The following KIF13A variants were observed in gnomAD, a reference collection of about 807,000 sequenced individuals.
KIF13A encodes the protein kinesin-like protein KIF13A.
A neutral mutation model predicts 212.2 loss-of-function variants in KIF13A; 79 were observed. The observed-to-expected ratio is 0.37, with a 90% CI of 0.31 to 0.45. The LOEUF (loss-of-function observed/expected upper bound fraction) is 0.45, where lower values mean the gene tolerates loss of function less well. KIF13A is among the 20% of genes least tolerant of loss of function. The probability of loss-of-function intolerance (pLI) is 1.00; values close to 1 mark genes in which losing one functional copy is unlikely to be tolerated. For missense variants in KIF13A, 1,901 were observed against 2,209.0 expected (o/e 0.86, Z 2.79); for synonymous variants, 789 against 808.6 (o/e 0.98, Z 0.41).
At chr6:17,868,494 A>G (rs1581583043) in intron 4 of KIF13A, among the ~76,000 whole-genome samples, 1 of 151,980 alleles carries the variant, frequency 6.6e-6, no homozygotes. Context: ...TCGGGAGAAC[A>G]TATGAGTTTA....
chr6:17,779,405 T>C (rs1413636992), intron 32 of KIF13A, among the ~76,000 whole-genome samples, 187 bp downstream of exon 32: 5 of 151,202 alleles, frequency 3.3e-5, no homozygotes, highest in Non-Finnish European at 5.9e-5. Flanking sequence ...CCTGAGTAGC[T>C]GGGATTACAG....
rs780169410 is a variant in KIF13A at position 17,834,039 on chromosome 6, G to C, written c.1188C>G (p.Leu396=). ...CTTTTATCAGCTTTTCAGACTCTTC[G>C]AGCTTCTCCTTCAGTTCAGGGGCCT... ...AMKAPELKEK[L]EESEKLIKEL... Residue 396 remains leucine (L), a synonymous_variant, in exon 12 of 39, where the codon CTC becomes CTG. Transcript: ENST00000259711. This position sits in a 1 kb window ranked among gnomAD's most constrained non-coding sequence, Gnocchi z 4.0. 16 of 1,598,706 alleles carry C rather than the reference G, an allele frequency of 1.0e-5. No homozygotes were observed. Among genetic ancestry groups the C allele is most frequent in the Non-Finnish European group, 1.4e-5 (16 of 1,176,742 alleles).
rs185758510 is a variant in KIF13A at position 17,897,121 on chromosome 6, G to A, written c.159+1047C>T. Among the ~76,000 whole-genome samples the A allele has an allele frequency of 1.2e-3, 185 of 152,250 alleles. No homozygotes were observed. Among genetic ancestry groups the A allele is most frequent in the Non-Finnish European group, 1.7e-3 (119 of 68,014 alleles). On this transcript the variant is annotated intron_variant, in intron 3 of 38. Transcript: ENST00000259711. This position sits in a 1 kb window ranked among gnomAD's most constrained non-coding sequence, Gnocchi z 4.8. ...AATGCATGCCTTCCTTGCTAAAGCT[G>A]AAACTCTTATTGCCAAGGACAATGT...
Position 17,871,136 on chromosome 6 carries a change from CAT to C in KIF13A, c.220+2239_220+2240del, listed in dbSNP as rs1168935991. Among the ~76,000 whole-genome samples the C allele has an allele frequency of 1.2e-4, 19 of 152,170 alleles. No homozygotes were observed. The highest frequency in any genetic ancestry group is 4.6e-4 in the African/African-American group (19 of 41,432). On this transcript the variant is annotated intron_variant, in intron 4 of 38. Transcript: ENST00000259711. This position sits in a 1 kb window ranked among gnomAD's most constrained non-coding sequence, Gnocchi z 4.4. ...CCCTTTGACTAAACTCTAAACAACT[CAT>C]ATGTTGACAAGTAATAATCATATAT...
intron 2 of KIF13A, among the ~76,000 whole-genome samples, chr6:17,952,820 C>T (rs1777987554): frequency 6.6e-6 from 1 of 151,870 alleles, no homozygotes. Flanking sequence ...GCCCCAGCTA[C>T]TCAGGAGGCT....
Position 17,921,259 on chromosome 6 carries a change from C to T in KIF13A, c.147-23079G>A, listed in dbSNP as rs1054578354. 6.6e-5 allele frequency among the ~76,000 whole-genome samples: 10 copies of T among 152,320 alleles called. No homozygotes were observed. The South Asian group carries it at 2.1e-3, about 32-fold the overall frequency. ...ACTGAGAAGTTGTGCAGTAAATAAA[C>T]TGATTTAACTTTATTTTACTGCAGA... On this transcript the variant is annotated intron_variant, in intron 2 of 38. Coordinates refer to ENST00000259711, the MANE Select transcript of KIF13A (RefSeq NM_022113.6).
intron 6 of KIF13A, among the ~76,000 whole-genome samples, chr6:17,852,477 T>A (rs976042370): frequency 6.6e-6 from 1 of 152,182 alleles, no homozygotes; most frequent in African/African-American, 2.4e-5. Flanking sequence ...TAGAGTGCAG[T>A]AGCATGACCC....
chr6:17,876,734 A>G (rs1436452247), intron 3 of KIF13A, among the ~76,000 whole-genome samples: 1 of 152,156 alleles, frequency 6.6e-6, no homozygotes, highest in Non-Finnish European at 1.5e-5. Context: ...CAATCAGCTC[A>G]ATTGATCCTA....
Position 17,819,214 on chromosome 6 carries a change from T to C in KIF13A, c.1787-1981A>G, listed in dbSNP as rs565053337. On this transcript the variant is annotated intron_variant, in intron 16 of 38. Transcript: ENST00000259711. ...TGGGGTTTCACCGTGTTAGCCAGGATGGTCTCGATCTCCTGACCTCATGAC... is the reference window on the plus strand; with the variant it reads ...TGGGGTTTCACCGTGTTAGCCAGGACGGTCTCGATCTCCTGACCTCATGAC... Among the ~76,000 whole-genome samples, 17 of 152,154 alleles carry C rather than the reference T, an allele frequency of 1.1e-4. No homozygotes were observed. In the South Asian group the frequency reaches 3.3e-3, roughly 30 times the overall value.
chr6:17,982,897 G>A lies in KIF13A; in HGVS notation c.146+4157C>T, dbSNP rs940855015. Among the ~76,000 whole-genome samples the A allele has an allele frequency of 1.2e-4, 18 of 152,260 alleles. No homozygotes were observed. Among genetic ancestry groups the A allele is most frequent in the African/African-American group, 3.8e-4 (16 of 41,564 alleles). On this transcript the variant is annotated intron_variant, in intron 2 of 38. Coordinates refer to ENST00000259711, the MANE Select transcript of KIF13A (RefSeq NM_022113.6). The surrounding 1 kb of genome is among the most constrained non-coding windows in gnomAD (Gnocchi z 5.1). The stretch of plus-strand genomic sequence containing the variant: ...TGAAAGATACCAAAGGGGGCCAGGC[G>A]TGGTGGCTCACGCCTGTAATCCCAG...
intron 4 of KIF13A, among the ~76,000 whole-genome samples, chr6:17,866,618 G>A (rs1411510280): frequency 6.6e-6 from 1 of 151,908 alleles, no homozygotes; most frequent in Non-Finnish European, 1.5e-5. Flanking sequence ...TGCATGTAGA[G>A]GGATCGGCAC....
intron 2 of KIF13A, among the ~76,000 whole-genome samples, chr6:17,977,114 CAAAAAAAAAAAAA>C (rs398000718): frequency 9.4e-6 from 1 of 106,662 alleles, no homozygotes; most frequent in South Asian, 3.2e-4. Context: ...AAAACAACAA[CAAAAAAAAAAAAA>C]AAAAAAAAAG....
At chr6:17,814,014 A>G (rs1262799641) in intron 17 of KIF13A, among the ~76,000 whole-genome samples, 19 of 128,220 alleles carry the variant, frequency 1.5e-4, no homozygotes, top group Middle Eastern at 0.012. Context: ...GTGCAGTGGC[A>G]TGATCTCAGC....
chr6:17,956,466 C>A (rs921321771), intron 2 of KIF13A, among the ~76,000 whole-genome samples: 1 of 152,146 alleles, frequency 6.6e-6, no homozygotes, highest in Admixed American at 6.5e-5. Flanking sequence ...CAAAAGCAAC[C>A]AAGATGGAAA....
chr6:17,949,861 T>A (rs1458868792), intron 2 of KIF13A, among the ~76,000 whole-genome samples: 1 of 152,072 alleles, frequency 6.6e-6, no homozygotes, highest in Non-Finnish European at 1.5e-5. Context: ...AGTTAAGAGA[T>A]AACAAATGCA....
chr6:17,949,079 A>T (rs1777654348), intron 2 of KIF13A, among the ~76,000 whole-genome samples: 1 of 152,188 alleles, frequency 6.6e-6, no homozygotes, highest in African/African-American at 2.4e-5. Context: ...AGATCAGATG[A>T]GAGGGGAATG....
rs550764591 is a variant in KIF13A at position 17,802,555 on chromosome 6, G to T, written c.2454+1806C>A. Reference sequence around the variant, plus strand: ...TCTGCCTGCCTCGGCCTCCCAAAGTGCTGGGATTACAGGCGTGAGCCACCA... The same window carrying T: ...TCTGCCTGCCTCGGCCTCCCAAAGTTCTGGGATTACAGGCGTGAGCCACCA... On this transcript the variant is annotated intron_variant, in intron 20 of 38. Transcript: ENST00000259711. 1.3e-3 allele frequency among the ~76,000 whole-genome samples: 193 copies of T among 152,182 alleles called. 3 individuals are homozygous for T. The South Asian group carries it at 0.038, about 30-fold the overall frequency.
chr6:17,811,987 G>A lies in KIF13A; in HGVS notation c.2001-3057C>T, dbSNP rs937652560. On this transcript the variant is annotated intron_variant, in intron 17 of 38. Coordinates refer to ENST00000259711, the MANE Select transcript of KIF13A (RefSeq NM_022113.6). The surrounding 1 kb of genome is among the most constrained non-coding windows in gnomAD (Gnocchi z 6.0). ...GGTGATCCTCCTGCCTCAGCCTCTG[G>A]AGTAGCTGAGACTATAGGCATGTGC... 6 of 152,028 alleles carry A rather than the reference G, an allele frequency of 3.9e-5. No individual in the cohort carries two copies. The highest frequency in any genetic ancestry group is 2.4e-5 in the African/African-American group (1 of 41,392). The allele number at this position is 152,028 out of a possible 1,614,324, so 9.4% of individuals were successfully genotyped here. A position where few individuals can be genotyped will look rare whatever the true frequency, so the allele number is the denominator to read the frequency against.
chr6:17,940,484 T>C (rs1482896744), intron 2 of KIF13A, among the ~76,000 whole-genome samples: 2 of 152,308 alleles, frequency 1.3e-5, no homozygotes, highest in Non-Finnish European at 2.9e-5. Context: ...TGAAACCTAA[T>C]TAGGGGTCAA....
Sources: allele counts gnomAD v4.1 joint callset (sites outside exome capture counted in the v4.1 genomes callset), GRCh38; gene constraint gnomAD v4.1.1; non-coding constraint Gnocchi (gnomAD v3.1); transcripts MANE v1.5; gene names NCBI Gene and HGNC (gene_info 2026-07-23, HGNC 2026-07-21).